Variants in TMPRSS15 observed in about 807,000 individuals in gnomAD.
TMPRSS15 encodes the protein transmembrane serine protease 15, also known as enteropeptidase.
Under a neutral mutation model 125.3 loss-of-function variants are expected in TMPRSS15, and 128 were observed. The ratio of observed to expected loss-of-function variants is 1.02; its 90% CI spans 0.89 to 1.18. The LOEUF (loss-of-function observed/expected upper bound fraction) is 1.18. Among genes scored for constraint, TMPRSS15 ranks in the 50% most tolerant of loss-of-function variants. TMPRSS15 has a pLI of 0.00. For missense variants in TMPRSS15, 1,283 were observed against 1,212.7 expected (o/e 1.06, Z -0.86); for synonymous variants, 446 against 423.2 (o/e 1.05, Z -0.66).
intron 5 of TMPRSS15, among the ~76,000 whole-genome samples, chr21:18,376,713 C>A (rs538625599): frequency 2.0e-5 from 3 of 152,238 alleles, no homozygotes; most frequent in African/African-American, 7.2e-5. Context: ...CCTCTAGGCA[C>A]GCTGTAGCAC....
At chr21:18,321,720 G>C (rs932721314) in intron 16 of TMPRSS15, among the ~76,000 whole-genome samples, 3 of 152,190 alleles carry the variant, frequency 2.0e-5, no homozygotes, top group Non-Finnish European at 4.4e-5. Flanking sequence ...GCCAGGATGT[G>C]TGTCCAATCT....
At chr21:18,332,022 A>G in intron 14 of TMPRSS15, 62 bp downstream of exon 14, 2 of 1,421,202 alleles carry the variant, frequency 1.4e-6, no homozygotes, top group Admixed American at 3.4e-5. Context: ...TGCTGCGTCA[A>G]GGGGAGATCT....
At chr21:18,328,164 A>G (rs1383428757) in intron 15 of TMPRSS15, among the ~76,000 whole-genome samples, 1 of 152,198 alleles carries the variant, frequency 6.6e-6, no homozygotes, top group African/African-American at 2.4e-5. Context: ...TATAGAATAC[A>G]CAAAATTTCC....
intron 1 of TMPRSS15, among the ~76,000 whole-genome samples, chr21:18,431,734 T>C (rs571422124): frequency 1.3e-5 from 2 of 152,268 alleles, no homozygotes; most frequent in Admixed American, 1.3e-4. Context: ...AAAATTTCCA[T>C]TTACTTTTAC....
At chr21:18,326,693 G>T in intron 15 of TMPRSS15, 121 bp from the exon 16 acceptor site, 1 of 1,089,826 alleles carries the variant, frequency 9.2e-7, no homozygotes, top group Non-Finnish European at 1.4e-6. Context: ...CTCGCTCATA[G>T]AGCAGCCACA....
intron 1 of TMPRSS15, among the ~76,000 whole-genome samples, chr21:18,419,509 G>T (rs2123188292): frequency 6.6e-6 from 1 of 152,230 alleles, no homozygotes; most frequent in East Asian, 1.9e-4. Context: ...ACAGATGTGA[G>T]CCAGTGTACC....
chr21:18,329,204 A>G lies in TMPRSS15; in HGVS notation c.1745T>C (p.Ile582Thr). ...GGAATCAGCTTCTTCACCATCTCTTATTTCAACTACATCGTTAATATTTTC... is the reference window on the plus strand; with the variant it reads ...GGAATCAGCTTCTTCACCATCTCTTGTTTCAACTACATCGTTAATATTTTC... ...DLENINDVVEIRDGEEADSLL... is the reference protein window; with the variant it reads ...DLENINDVVETRDGEEADSLL... The change falls in exon 15 of 25, where the codon ATA (isoleucine) becomes ACA (threonine). Residue 582 changes from isoleucine to threonine, a missense_variant. Physicochemically the swap from Ile to Thr is moderately conservative, Grantham distance 89 (BLOSUM62 -1). Transcript: ENST00000284885. The G allele has an allele frequency of 6.2e-7, 1 of 1,612,818 alleles. No homozygotes were observed. The highest frequency in any genetic ancestry group is 8.5e-7 in the Non-Finnish European group (1 of 1,179,142).
In TMPRSS15 at chr21:18,398,248, T is replaced by C; in HGVS notation, c.227A>G (p.Asp76Gly). The C allele has an allele frequency of 6.2e-7, 1 of 1,613,854 alleles. No homozygotes were observed. The highest frequency in any genetic ancestry group is 8.5e-7 in the Non-Finnish European group (1 of 1,179,790). Residue 76 changes from aspartate to glycine, a missense_variant, in exon 2 of 25, where the codon GAC (aspartate) becomes GGC (glycine). By Grantham distance (94) the Asp-to-Gly change is moderately conservative (BLOSUM62 -1). Transcript: ENST00000284885. Reference protein sequence around the residue: ...SGVTYNPNLQDKLSVDFKVLA... With the variant: ...SGVTYNPNLQGKLSVDFKVLA... ...AACTTTGAAATCCACTGAGAGTTTG[T>C]CTTGCAAATTAGGATTATATGTAAC...
At chr21:18,379,078 G>T (rs1309003375) in intron 5 of TMPRSS15, among the ~76,000 whole-genome samples, 2 of 152,088 alleles carry the variant, frequency 1.3e-5, no homozygotes, top group Non-Finnish European at 2.9e-5. Flanking sequence ...TGAAATCTGA[G>T]AACTCAGGCA....
chr21:18,405,450 T>C (rs1206964348), upstream of TMPRSS15, among the ~76,000 whole-genome samples: 1 of 152,108 alleles, frequency 6.6e-6, no homozygotes, highest in Admixed American at 6.6e-5. Flanking sequence ...TATCTTGAAA[T>C]TTTTTGAAAA....
intron 6 of TMPRSS15, among the ~76,000 whole-genome samples, chr21:18,365,633 T>TTTC (rs1491551006): frequency 4.3e-5 from 2 of 46,744 alleles, no homozygotes; most frequent in African/African-American, 1.3e-4. Context: ...TCTTTCTCTT[T>TTTC]CTCTCTCTTT....
At chr21:18,382,261 T>C (rs889505502) in intron 4 of TMPRSS15, among the ~76,000 whole-genome samples, 1 of 152,140 alleles carries the variant, frequency 6.6e-6, no homozygotes, top group African/African-American at 2.4e-5. Flanking sequence ...AAAATGTTGA[T>C]AGATAAACCA....
chr21:18,388,607 C>A (rs922351253), intron 3 of TMPRSS15, among the ~76,000 whole-genome samples: 1 of 152,104 alleles, frequency 6.6e-6, no homozygotes, highest in African/African-American at 2.4e-5. Context: ...GAGAGGCAGG[C>A]ACCTAGAATA....
chr21:18,461,421 G>A, intron 1 of TMPRSS15, among the ~76,000 whole-genome samples: 1 of 152,022 alleles, frequency 6.6e-6, no homozygotes, highest in East Asian at 1.9e-4. Context: ...GGCTTTCTGT[G>A]TGGTGAGCAA....
At chr21:18,296,606 AC>A (rs1254269317) in intron 19 of TMPRSS15, among the ~76,000 whole-genome samples, 1 of 152,220 alleles carries the variant, frequency 6.6e-6, no homozygotes, top group Non-Finnish European at 1.5e-5. Flanking sequence ...CATATAATTA[AC>A]ATAAATGATT....
At chr21:18,430,260 T>C (rs1169453420) in intron 1 of TMPRSS15, among the ~76,000 whole-genome samples, 4 of 152,222 alleles carry the variant, frequency 2.6e-5, no homozygotes, top group East Asian at 1.9e-4. Context: ...AAGAAGGTTA[T>C]ATAGCATTCT....
intron 10 of TMPRSS15, among the ~76,000 whole-genome samples, chr21:18,348,370 A>T (rs1326850319): frequency 6.6e-6 from 1 of 152,178 alleles, no homozygotes; most frequent in Non-Finnish European, 1.5e-5. Flanking sequence ...ACTTCTGAGC[A>T]TGTGCTGATC....
At chr21:18,408,226 T>C (rs894947389), upstream of TMPRSS15, among the ~76,000 whole-genome samples, 1 of 152,202 alleles carries the variant, frequency 6.6e-6, no homozygotes, top group African/African-American at 2.4e-5. Context: ...TCTGACTGTA[T>C]GAAGTAGCAG....
rs537573737 is a variant in TMPRSS15, at chr21:18,362,670, CTT to C, written c.773+2468_773+2469del. Among the ~76,000 whole-genome samples the C allele has an allele frequency of 7.1e-4, 108 of 152,148 alleles. 1 individual carries two copies. The Middle Eastern group carries it at 0.02, about 29-fold the overall frequency. ...AATTTCTTTAAATTTAATTTATACA[CTT>C]TGTATTATTGTGTCAGTAGTTAATA... On this transcript the variant is annotated intron_variant, in intron 7 of 24. Coordinates refer to ENST00000284885, the MANE Select transcript of TMPRSS15 (RefSeq NM_002772.3).
Sources: gnomAD v4.1 joint callset for allele counts (sites outside exome capture counted in the v4.1 genomes callset) on GRCh38, gnomAD v4.1.1 for gene constraint, MANE v1.5 for transcripts, NCBI Gene and HGNC (gene_info 2026-07-23, HGNC 2026-07-21) for gene names.